Variants in ATP9B observed in about 807,000 individuals in gnomAD.
ATP9B encodes the protein ATPase phospholipid transporting 9B.
In ATP9B, 110 loss-of-function variants were observed where a neutral mutation model predicts 146.1. The ratio of observed to expected loss-of-function variants is 0.75; its 90% CI spans 0.65 to 0.88. ATP9B has a LOEUF of 0.88. Among genes scored for constraint, ATP9B ranks in the 40% least tolerant of loss-of-function variants. ATP9B has a pLI of 0.00. For synonymous variants in ATP9B, 604 were observed against 569.7 expected (o/e 1.06, Z -0.86); for missense variants, 1,499 against 1,496.4 (o/e 1.00, Z -0.03).
chr18:79,089,606 T>C (rs894778684), intron 1 of ATP9B, among the ~76,000 whole-genome samples: 7 of 151,428 alleles, frequency 4.6e-5, no homozygotes, highest in Non-Finnish European at 7.3e-5. Context: ...TCCAGTCTTA[T>C]GAAAAAAAAT....
At chr18:79,099,304 C>G (rs943042134) in intron 2 of ATP9B, among the ~76,000 whole-genome samples, 5 of 152,068 alleles carry the variant, frequency 3.3e-5, no homozygotes, top group Admixed American at 1.3e-4. Flanking sequence ...TCACCTCAAC[C>G]TCCGCCTTCT....
At chr18:79,079,284 TAA>T (rs2146484313) in intron 1 of ATP9B, among the ~76,000 whole-genome samples, 2 of 152,352 alleles carry the variant, frequency 1.3e-5, no homozygotes, top group African/African-American at 4.8e-5. Flanking sequence ...ACCAACAGTA[TAA>T]AAGTGTTCCT....
chr18:79,372,443 A>G, intron 26 of ATP9B: 1 of 375,054 alleles, frequency 2.7e-6, no homozygotes, highest in Non-Finnish European at 5.3e-6. Context: ...AAAACCAAAC[A>G]GTAAATATAG....
chr18:79,257,697 C>T lies in ATP9B; in HGVS notation c.1268+4156C>T, dbSNP rs60792976. 4.7e-3 allele frequency among the ~76,000 whole-genome samples: 716 copies of T among 152,332 alleles called. 8 individuals carry two copies. The highest frequency in any genetic ancestry group is 0.016 in the African/African-American group (648 of 41,572). On this transcript the variant is annotated intron_variant, in intron 12 of 29. Transcript: ENST00000426216. ...CTGGCACAAGTGCACTCCAGCTCAG[C>T]CTCCCCAGCCTCCAGCACAGGGCGC... is the stretch of plus-strand genomic sequence containing the variant.
At chr18:79,110,532 G>T (rs753664020) in intron 3 of ATP9B, 27 bp downstream of exon 3, 5 of 1,583,852 alleles carry the variant, frequency 3.2e-6, no homozygotes, top group Admixed American at 3.5e-5. Context: ...CTTGGAGATG[G>T]GTTGTGTGTC....
intron 25 of ATP9B, 39 bp downstream of exon 25, chr18:79,348,235 G>C: frequency 8.6e-7 from 1 of 1,164,184 alleles, no homozygotes; most frequent in South Asian, 1.3e-5. Context: ...ATCCAGGGGA[G>C]GACTTCTATT....
In ATP9B at chr18:79,359,453, C is replaced by T. The variant is rs199854286; in HGVS notation, c.3003C>T (p.Asp1001=). 123 of 1,613,404 alleles carry T rather than the reference C, an allele frequency of 7.6e-5. No individual in the cohort carries two copies. The Admixed American group carries it at 1.6e-3, about 21-fold the overall frequency. ...MAMLYPELYK[D]LTKGRSLSFK... Reference sequence around the variant, plus strand: ...TGCTCTACCCGGAGCTGTACAAGGACCTCACCAAGGTACGGGCCTCAGGCA... The same window carrying T: ...TGCTCTACCCGGAGCTGTACAAGGATCTCACCAAGGTACGGGCCTCAGGCA... The change falls in exon 26 of 30, where the codon GAC becomes GAT. Residue 1001 remains aspartate (D), a synonymous_variant. Transcript: ENST00000426216.
intron 12 of ATP9B, chr18:79,254,043 A>C (rs1281605704): frequency 6.6e-6 from 1 of 152,246 alleles, no homozygotes; most frequent in Non-Finnish European, 1.5e-5. Flanking sequence ...TTCATATTAG[A>C]TGCCTATTTA....
intron 26 of ATP9B, chr18:79,362,024 T>C (rs1406805124): frequency 1.3e-5 from 2 of 153,806 alleles, no homozygotes; most frequent in African/African-American, 4.8e-5. Context: ...GGCCGCGGAC[T>C]GAAATGTGAG....
chr18:79,098,511 A>G (rs566436821), intron 2 of ATP9B, among the ~76,000 whole-genome samples: 1 of 151,278 alleles, frequency 6.6e-6, no homozygotes, highest in East Asian at 2.0e-4. Context: ...TCCAGAATCT[A>G]CAATGAACTC....
chr18:79,369,361 G>A (rs563868369), intron 26 of ATP9B, among the ~76,000 whole-genome samples: 21 of 151,924 alleles, frequency 1.4e-4, no homozygotes, highest in South Asian at 4.2e-4. Flanking sequence ...GTGAAACCCC[G>A]TCTCTACTAA....
At chr18:79,162,575 C>T (rs138339407) in intron 7 of ATP9B, among the ~76,000 whole-genome samples, 8 of 152,274 alleles carry the variant, frequency 5.3e-5, no homozygotes, top group Non-Finnish European at 1.0e-4. Flanking sequence ...AGCTGTCTGT[C>T]ACTTGTTAGT....
chr18:79,285,569 C>G (rs1327453129), intron 13 of ATP9B, among the ~76,000 whole-genome samples: 2 of 151,912 alleles, frequency 1.3e-5, no homozygotes, highest in Non-Finnish European at 2.9e-5. Flanking sequence ...TTGTAGGTTG[C>G]CTGTTCACTC....
rs142600945 is a variant in ATP9B, at chr18:79,206,973, A to G, written c.991A>G (p.Ile331Val). 51 of 1,614,024 alleles carry G rather than the reference A, an allele frequency of 3.2e-5. No homozygotes were observed. Among genetic ancestry groups the G allele is most frequent in the Non-Finnish European group, 3.8e-5 (45 of 1,179,990 alleles). Residue 331 changes from isoleucine (I) to valine (V), a missense_variant, in exon 10 of 30, where the codon ATA becomes GTA. Ile to Val is a conservative substitution (Grantham distance 29). Transcript: ENST00000426216. The stretch of plus-strand genomic sequence containing the variant: ...CCCGCCCATTCATGAAAGTCTCAGC[A>G]TAGAAAATACATTGTGGGCAAGCAC... ...SDPPIHESLSIENTLWASTIV... is the reference protein window; with the variant it reads ...SDPPIHESLSVENTLWASTIV...
At chr18:79,315,798 C>T (rs574247395) in intron 15 of ATP9B, among the ~76,000 whole-genome samples, 2 of 152,184 alleles carry the variant, frequency 1.3e-5, no homozygotes, top group African/African-American at 2.4e-5. Context: ...GTAAACAAAT[C>T]GCCTGTGGCA....
At chr18:79,347,643 G>C in intron 23 of ATP9B, 127 bp from the exon 24 acceptor site, 1 of 1,176,754 alleles carries the variant, frequency 8.5e-7, no homozygotes, top group Non-Finnish European at 1.2e-6. Context: ...CGGAGCTGAA[G>C]CTTTACAAGT....
chr18:79,151,314 G>A (rs1186927632), intron 6 of ATP9B, among the ~76,000 whole-genome samples: 2 of 152,178 alleles, frequency 1.3e-5, no homozygotes, highest in Non-Finnish European at 1.5e-5. Context: ...AATTTACCGA[G>A]GTGGGAGTGT....
chr18:79,354,000 A>G (rs2096936384), intron 25 of ATP9B: 2 of 152,252 alleles, frequency 1.3e-5, no homozygotes, highest in South Asian at 4.1e-4. Context: ...TAACTCATCA[A>G]GAAAACAGAA....
At chr18:79,167,488 G>A (rs1216151601) in intron 7 of ATP9B, among the ~76,000 whole-genome samples, 2 of 152,096 alleles carry the variant, frequency 1.3e-5, no homozygotes, top group Non-Finnish European at 2.9e-5. Context: ...TCAGCGGACA[G>A]GGGACCTGGA....
Sources: gnomAD v4.1 joint callset for allele counts (sites outside exome capture counted in the v4.1 genomes callset) on GRCh38, gnomAD v4.1.1 for gene constraint, MANE v1.5 for transcripts, NCBI Gene and HGNC (gene_info 2026-07-23, HGNC 2026-07-21) for gene names.